The following KYNU variants were observed in gnomAD, a reference collection of about 807,000 sequenced individuals.
KYNU encodes L-kynurenine hydrolase.
KYNU carries 54 observed loss-of-function variants against 59.2 expected under a neutral mutation model. The observed-to-expected ratio is 0.91, with a 90% confidence interval of 0.73 to 1.14. The LOEUF (loss-of-function observed/expected upper bound fraction) is 1.14, where lower values mean the gene tolerates loss of function less well. Among genes scored for constraint, KYNU ranks in the 50% most tolerant of loss-of-function variants. The probability of loss-of-function intolerance (pLI) is 0.00; values close to 1 mark genes in which losing one functional copy is unlikely to be tolerated. For missense variants in KYNU, 567 were observed against 554.4 expected (o/e 1.02, Z -0.23); for synonymous variants, 177 against 192.0 (o/e 0.92, Z 0.65).
rs993955727 is a variant in KYNU, at chr2:143,051,440, T to C, written c.*9268T>C. The C allele has an allele frequency of 6.6e-6, 1 of 152,118 alleles. No individual in the cohort carries two copies. The highest frequency in any genetic ancestry group is 2.4e-5 in the African/African-American group (1 of 41,460). The allele number at this position is 152,118 out of a possible 1,614,324, so 9.4% of individuals were successfully genotyped here. A position where few individuals can be genotyped will look rare whatever the true frequency, so the allele number is the denominator to read the frequency against. ...GATTTTTTAGTTAAAAGAAAATACA[T>C]ATTTTAAAAATATAAATTATATTTT... On this transcript the variant is annotated 3_prime_UTR_variant, in exon 14 of 14. Transcript: ENST00000264170.
At chr2:143,016,171 G>A (rs1248888492) in intron 10 of KYNU, among the ~76,000 whole-genome samples, 1 of 152,182 alleles carries the variant, frequency 6.6e-6, no homozygotes, top group Non-Finnish European at 1.5e-5. Context: ...GTGGACGTCT[G>A]TACAGATAAA....
chr2:142,886,669 G>C (rs934977124), intron 2 of KYNU, among the ~76,000 whole-genome samples: 1 of 152,204 alleles, frequency 6.6e-6, no homozygotes, highest in Non-Finnish European at 1.5e-5. Context: ...CTATGGGAGT[G>C]AATTGTGAGG....
intron 4 of KYNU, among the ~76,000 whole-genome samples, chr2:142,932,383 A>G (rs1180580002): frequency 1.3e-5 from 2 of 151,872 alleles, no homozygotes; most frequent in Admixed American, 1.3e-4. Context: ...AGGGAGAGAA[A>G]CTGGCCTTGC....
At chr2:142,990,102 T>C (rs919402810) in intron 10 of KYNU, 8 of 151,846 alleles carry the variant, frequency 5.3e-5, no homozygotes, top group African/African-American at 1.9e-4. Context: ...ACCTAGAATT[T>C]AACCTTTTCC....
chr2:142,964,224 C>T (rs1684453660), intron 8 of KYNU, among the ~76,000 whole-genome samples: 1 of 151,504 alleles, frequency 6.6e-6, no homozygotes, highest in Non-Finnish European at 1.5e-5. Flanking sequence ...CATTTGAGAA[C>T]TACTAATATA....
chr2:142,943,819 C>G (rs966911104), intron 4 of KYNU, among the ~76,000 whole-genome samples: 1 of 152,154 alleles, frequency 6.6e-6, no homozygotes, highest in Admixed American at 6.6e-5. Flanking sequence ...AAATTTGTTA[C>G]TTGAAAAATG....
chr2:143,005,237 ACTGT>A (rs1204400158), intron 10 of KYNU, among the ~76,000 whole-genome samples: 1 of 152,200 alleles, frequency 6.6e-6, no homozygotes, highest in Non-Finnish European at 1.5e-5. Context: ...TCCCCCAGGC[ACTGT>A]CTAACACTGC....
At chr2:142,926,333 G>A (rs1044296629) in intron 3 of KYNU, among the ~76,000 whole-genome samples, 7 of 151,902 alleles carry the variant, frequency 4.6e-5, no homozygotes, top group Middle Eastern at 3.2e-3. Context: ...CTTTTTAATT[G>A]TGAAATCATC....
intron 3 of KYNU, among the ~76,000 whole-genome samples, 172 bp from the exon 4 acceptor site, chr2:142,927,487 G>T (rs1683081565): frequency 6.6e-6 from 1 of 152,006 alleles, no homozygotes. Flanking sequence ...GAAGTTAAAA[G>T]ACATTAATCC....
chr2:143,022,213 T>G (rs2105218869), intron 10 of KYNU, among the ~76,000 whole-genome samples: 1 of 152,264 alleles, frequency 6.6e-6, no homozygotes, highest in South Asian at 2.1e-4. Context: ...ATCTTTCTAC[T>G]ATTGTTTTCT....
chr2:142,918,572 ATT>A (rs35434351), intron 2 of KYNU, 35 bp from the exon 3 acceptor site: 159,025 of 1,278,316 alleles, frequency 0.12, 1,920 homozygotes, highest in Admixed American at 0.26. Context: ...AAAAGCTTTT[ATT>A]TTTTTTTTTT....
chr2:142,965,887 C>T (rs1463561141), intron 8 of KYNU, among the ~76,000 whole-genome samples: 7 of 152,014 alleles, frequency 4.6e-5, no homozygotes, highest in South Asian at 2.1e-4. Flanking sequence ...TTTCCTCTTT[C>T]CTCTTTCATT....
At chr2:142,906,359 G>T (rs1377207759) in intron 2 of KYNU, among the ~76,000 whole-genome samples, 1 of 152,186 alleles carries the variant, frequency 6.6e-6, no homozygotes, top group African/African-American at 2.4e-5. Context: ...TGGTGGGTCG[G>T]GGGATGCTGG....
At chr2:142,954,378 T>C (rs1228173726) in intron 4 of KYNU, among the ~76,000 whole-genome samples, 5 of 152,070 alleles carry the variant, frequency 3.3e-5, no homozygotes, top group Non-Finnish European at 5.9e-5. Context: ...TTGCCTCCTT[T>C]TATAAAAGGT....
chr2:143,000,169 G>T (rs1185265683), intron 10 of KYNU, among the ~76,000 whole-genome samples: 3 of 152,044 alleles, frequency 2.0e-5, no homozygotes, highest in African/African-American at 7.2e-5. Context: ...CTTTTCTGTT[G>T]CTACATGGCA....
At chr2:142,910,928 TG>T in intron 2 of KYNU, among the ~76,000 whole-genome samples, 1 of 152,336 alleles carries the variant, frequency 6.6e-6, no homozygotes, top group South Asian at 2.1e-4. Flanking sequence ...TATTGGTCTA[TG>T]TATATGTTTT....
intron 2 of KYNU, among the ~76,000 whole-genome samples, chr2:142,894,700 T>A (rs1681812969): frequency 6.6e-6 from 1 of 152,174 alleles, no homozygotes; most frequent in African/African-American, 2.4e-5. Flanking sequence ...TAATAGAAAA[T>A]AGGTTTAAAA....
At chr2:142,896,737 T>C (rs1351669439) in intron 2 of KYNU, among the ~76,000 whole-genome samples, 3 of 152,186 alleles carry the variant, frequency 2.0e-5, no homozygotes, top group African/African-American at 7.2e-5. Flanking sequence ...TCCTCCCACT[T>C]TGACCTCCCA....
intron 12 of KYNU, 53 bp from the exon 13 acceptor site, chr2:143,040,375 G>C: frequency 1.6e-6 from 2 of 1,271,404 alleles, no homozygotes; most frequent in Non-Finnish European, 2.3e-6. Flanking sequence ...CTTAATTTTT[G>C]CTTCTTTGTA....
Sources: gnomAD v4.1 joint callset for allele counts (sites outside exome capture counted in the v4.1 genomes callset) on GRCh38, gnomAD v4.1.1 for gene constraint, MANE v1.5 for transcripts, NCBI Gene and HGNC (gene_info 2026-07-23, HGNC 2026-07-21) for gene names.